The following ABHD2 variants were observed in gnomAD, a reference collection of about 807,000 sequenced individuals.
ABHD2 encodes the protein abhydrolase domain containing 2, acylglycerol lipase, also known as monoacylglycerol lipase ABHD2.
In ABHD2, 20 loss-of-function variants were observed where a neutral mutation model predicts 48.1. That is an observed-to-expected ratio of 0.42 (90% CI 0.29 to 0.60). The LOEUF (loss-of-function observed/expected upper bound fraction) is 0.60. ABHD2 is among the 20% of genes least tolerant of loss of function. The pLI is 0.24. For missense variants in ABHD2, 405 were observed against 550.9 expected (o/e 0.74, Z 2.65); for synonymous variants, 209 against 214.2 (o/e 0.98, Z 0.21).
At chr15:89,109,320 C>A (rs1596071095) in intron 1 of ABHD2, among the ~76,000 whole-genome samples, 1 of 152,182 alleles carries the variant, frequency 6.6e-6, no homozygotes, top group African/African-American at 2.4e-5. Flanking sequence ...TTTGTTAATG[C>A]GGACTATAAA....
At chr15:89,132,145 A>AT (rs2050229986) in intron 3 of ABHD2, among the ~76,000 whole-genome samples, 2 of 152,226 alleles carry the variant, frequency 1.3e-5, no homozygotes, top group South Asian at 4.1e-4. Context: ...GCATCCAACA[A>AT]TGGAGGCAGC....
chr15:89,185,027 C>T lies in ABHD2; in HGVS notation c.723-397C>T, dbSNP rs2051182398. ...CACACCCACTCTCCCGTTCCATGTG[C>T]CAGTCATTAAACCAGAAAACTTGCC... On this transcript the variant is annotated intron_variant, in intron 6 of 10. Transcript: ENST00000352732. The surrounding 1 kb of genome is among the most constrained non-coding windows in gnomAD (Gnocchi z 5.9). Among the ~76,000 whole-genome samples the T allele has an allele frequency of 6.6e-6, 1 of 152,234 alleles. No homozygotes were observed. Among genetic ancestry groups the T allele is most frequent in the Admixed American group, 6.5e-5 (1 of 15,286 alleles).
chr15:89,079,481 GGCAAAATAAACCT>G, the ABHD2 span, among the ~76,000 whole-genome samples: 1 of 142,320 alleles, frequency 7.0e-6, no homozygotes, highest in Non-Finnish European at 1.5e-5. This position sits in a 1 kb window ranked among gnomAD's most constrained non-coding sequence, Gnocchi z 4.3. Context: ...ACCTCTACAT[GGCAAAATAAACCT>G]CTACATGGCA....
chr15:89,195,419 A>G lies in ABHD2; in HGVS notation c.1274A>G (p.Glu425Gly), dbSNP rs2051384665. 1.2e-6 allele frequency: 2 copies of G among 1,612,638 alleles called. No individual in the cohort carries two copies. The highest frequency in any genetic ancestry group is 8.5e-7 in the Non-Finnish European group (1 of 1,179,744). Residue 425 changes from glutamate (E) to glycine (G), a missense_variant, in exon 11 of 11, where the codon GAG becomes GGG. By Grantham distance (98) the Glu-to-Gly change is moderately conservative. Coordinates refer to ENST00000352732, the MANE Select transcript of ABHD2 (RefSeq NM_152924.5). This position sits in a 1 kb window ranked among gnomAD's most constrained non-coding sequence, Gnocchi z 5.1. ...SDTEQVEADL[E>G] The stretch of plus-strand genomic sequence containing the variant: ...ACGGAGCAGGTGGAGGCCGACCTGG[A>G]GTGAGGCCTCCGGACTCTGGCACGC...
At position 89,190,376 on chromosome 15, in the gene ABHD2, C is replaced by T. The variant is rs542065759; in HGVS notation, c.927-704C>T. 5.3e-5 allele frequency among the ~76,000 whole-genome samples: 8 copies of T among 152,324 alleles called. No individual in the cohort carries two copies. The South Asian group carries it at 1.0e-3, about 20-fold the overall frequency. ...GGTTTTGTTACATGCCAGTTTATCT[C>T]TATTGCTCTGTAGTCAGAGATCGGA... On this transcript the variant is annotated intron_variant, in intron 8 of 10. Transcript: ENST00000352732.
rs1303398832 is a variant in ABHD2 at position 89,167,120 on chromosome 15, T to C, written c.539-8692T>C. On this transcript the variant is annotated intron_variant, in intron 5 of 10. Coordinates refer to ENST00000352732, the MANE Select transcript of ABHD2 (RefSeq NM_152924.5). This position sits in a 1 kb window ranked among gnomAD's most constrained non-coding sequence, Gnocchi z 5.5. Reference sequence around the variant, plus strand: ...ACCCATGATCCAAGACATCTCACTGTAAGAGCTTCAGGCAGTGATTTTTAA... The same window carrying C: ...ACCCATGATCCAAGACATCTCACTGCAAGAGCTTCAGGCAGTGATTTTTAA... 6.6e-6 allele frequency among the ~76,000 whole-genome samples: 1 copy of C among 152,232 alleles called. No homozygotes were observed. Among genetic ancestry groups the C allele is most frequent in the African/African-American group, 2.4e-5 (1 of 41,460 alleles).
rs1032811117 is a variant in ABHD2, at chr15:89,195,715, A to C, written c.*292A>C. Reference sequence around the variant, plus strand: ...ATCTGGTTGCTTTTAAGCCAAGTACATCTAGTTTCCCTATTAAAAATGTGT... The same window carrying C: ...ATCTGGTTGCTTTTAAGCCAAGTACCTCTAGTTTCCCTATTAAAAATGTGT... On this transcript the variant is annotated 3_prime_UTR_variant, in exon 11 of 11. Coordinates refer to ENST00000352732, the MANE Select transcript of ABHD2 (RefSeq NM_152924.5). This position sits in a 1 kb window ranked among gnomAD's most constrained non-coding sequence, Gnocchi z 5.1. 2.9e-6 allele frequency: 1 copy of C among 346,252 alleles called. No individual in the cohort carries two copies. Among genetic ancestry groups the C allele is most frequent in the Admixed American group, 4.6e-5 (1 of 21,902 alleles). The allele number at this position is 346,252 out of a possible 1,614,324, so 21.4% of individuals were successfully genotyped here. A position where few individuals can be genotyped will look rare whatever the true frequency, so the allele number is the denominator to read the frequency against.
chr15:89,053,108 A>G, the ABHD2 span, among the ~76,000 whole-genome samples: 8 of 151,880 alleles, frequency 5.3e-5, no homozygotes, highest in African/African-American at 1.5e-4. Flanking sequence ...CTGGGACTAC[A>G]GGCACGTGCC....
At chr15:89,139,814 C>T in intron 3 of ABHD2, among the ~76,000 whole-genome samples, 1 of 152,136 alleles carries the variant, frequency 6.6e-6, no homozygotes, top group East Asian at 1.9e-4. Flanking sequence ...TGAAGATGGG[C>T]ATTCTCTCTG....
intron 2 of ABHD2, among the ~76,000 whole-genome samples, chr15:89,115,367 GGTATGTGTGTGTGTGTGTGTGTGTGTGT>G (rs1352728281): frequency 0.014 from 1,689 of 117,576 alleles, 32 homozygotes; most frequent in Middle Eastern, 0.062. Flanking sequence ...TATGTTTGGA[GGTATGTGTGTGTGTGTGTGTGTGTGTGT>G]GTGTGTGTGT....
At chr15:89,194,024 G>A (rs1320876452) in intron 10 of ABHD2, among the ~76,000 whole-genome samples, 2 of 152,040 alleles carry the variant, frequency 1.3e-5, no homozygotes, top group African/African-American at 2.4e-5. Flanking sequence ...CCAGAAGTTC[G>A]AGGCTGCAGC....
At chr15:89,192,930 A>C (rs2051331228) in intron 9 of ABHD2, among the ~76,000 whole-genome samples, 1 of 152,210 alleles carries the variant, frequency 6.6e-6, no homozygotes, top group Non-Finnish European at 1.5e-5. Flanking sequence ...AACTGAATGA[A>C]TATGTACATA....
intron 5 of ABHD2, among the ~76,000 whole-genome samples, chr15:89,170,857 C>G (rs898371197): frequency 3.9e-5 from 6 of 152,190 alleles, no homozygotes; most frequent in Non-Finnish European, 8.8e-5. Context: ...GTGGCTCACA[C>G]CTGTAATCCC....
chr15:89,133,560 A>G (rs1258004850), intron 3 of ABHD2, among the ~76,000 whole-genome samples: 4 of 152,184 alleles, frequency 2.6e-5, no homozygotes, highest in Non-Finnish European at 5.9e-5. Flanking sequence ...TAGGTGAAAA[A>G]TGTTTTCTCA....
At chr15:89,159,128 G>T (rs908332223) in intron 5 of ABHD2, among the ~76,000 whole-genome samples, 1 of 151,760 alleles carries the variant, frequency 6.6e-6, no homozygotes, top group Non-Finnish European at 1.5e-5. Context: ...TGTAATCCCA[G>T]CACTTTGGGA....
chr15:89,092,358 G>A lies in ABHD2; in HGVS notation c.-107+3795G>A, dbSNP rs1330928690. ...TTGTCTTTAAGTGGAGGTTCATTAA[G>A]TTCAACAAATTAAGCATCTGGTGTG... On this transcript the variant is annotated intron_variant, in intron 1 of 10. Coordinates refer to ENST00000352732, the MANE Select transcript of ABHD2 (RefSeq NM_152924.5). The surrounding 1 kb of genome is among the most constrained non-coding windows in gnomAD (Gnocchi z 4.4). Among the ~76,000 whole-genome samples, 1 of 152,192 alleles carries A rather than the reference G, an allele frequency of 6.6e-6. No individual in the cohort carries two copies. Among genetic ancestry groups the A allele is most frequent in the African/African-American group, 2.4e-5 (1 of 41,432 alleles).
chr15:89,152,257 T>A (rs2050605483), intron 4 of ABHD2, among the ~76,000 whole-genome samples: 1 of 152,120 alleles, frequency 6.6e-6, no homozygotes, highest in Non-Finnish European at 1.5e-5. Context: ...TTTTTTGTAT[T>A]TTTAGTAGAG....
At chr15:89,059,091 A>T in the ABHD2 span, among the ~76,000 whole-genome samples, 2 of 152,170 alleles carry the variant, frequency 1.3e-5, no homozygotes, top group African/African-American at 2.4e-5. Flanking sequence ...AGGACCTGAC[A>T]AGAAGCTCAA....
intron 3 of ABHD2, among the ~76,000 whole-genome samples, chr15:89,135,045 A>G (rs192761347): frequency 5.9e-5 from 9 of 152,046 alleles, no homozygotes; most frequent in Admixed American, 1.3e-4. Flanking sequence ...CCTTAAAGTC[A>G]TCTCTTGATT....
Sources: allele counts gnomAD v4.1 joint callset (sites outside exome capture counted in the v4.1 genomes callset), GRCh38; gene constraint gnomAD v4.1.1; non-coding constraint Gnocchi (gnomAD v3.1); transcripts MANE v1.5; gene names NCBI Gene and HGNC (gene_info 2026-07-23, HGNC 2026-07-21).